The following GEMIN5 variants were observed in gnomAD, a reference collection of about 807,000 sequenced individuals.
GEMIN5 encodes gem nuclear organelle associated protein 5, also known as gem-associated protein 5.
GEMIN5 carries 124 observed loss-of-function variants against 176.9 expected under a neutral mutation model. The observed-to-expected ratio is 0.70, with a 90% CI of 0.61 to 0.81. GEMIN5 has a LOEUF of 0.81. GEMIN5 is among the 40% of genes least tolerant of loss of function. The probability of loss-of-function intolerance (pLI) is 0.00; values close to 1 mark genes in which losing one functional copy is unlikely to be tolerated. For synonymous variants in GEMIN5, 673 were observed against 665.2 expected (o/e 1.01, Z -0.18); for missense variants, 1,843 against 1,814.6 (o/e 1.02, Z -0.28).
chr5:154,914,528 T>C (rs74428468), intron 13 of GEMIN5, among the ~76,000 whole-genome samples: 1 of 107,182 alleles, frequency 9.3e-6, no homozygotes, highest in African/African-American at 3.5e-5. Context: ...TTTTTTTTTT[T>C]AAAGAGACTA....
At chr5:154,921,203 T>C (rs977611668) in intron 10 of GEMIN5, 140 bp downstream of exon 10, 4 of 586,072 alleles carry the variant, frequency 6.8e-6, no homozygotes, top group South Asian at 2.1e-5. Context: ...ACTGTCTTCA[T>C]GAACCCCTGG....
Position 154,899,298 on chromosome 5 carries a change from C to T in GEMIN5, c.3027G>A (p.Ala1009=), listed in dbSNP as rs200397120. The change falls in exon 22 of 28, where the codon GCG becomes GCA. Residue 1009 remains alanine, a synonymous_variant. Coordinates refer to ENST00000285873, the MANE Select transcript of GEMIN5 (RefSeq NM_015465.5). The part of the protein sequence containing the change: ...KSNHFYREAI[A]IAKARLRPED... ...CCGGGCGCAGCCGGGCCTTGGCAATCGCAATAGCTTCCCTAAAGGCAAGAA... is the reference window on the plus strand; with the variant it reads ...CCGGGCGCAGCCGGGCCTTGGCAATTGCAATAGCTTCCCTAAAGGCAAGAA... 6.8e-6 allele frequency: 11 copies of T among 1,610,916 alleles called. No individual in the cohort carries two copies. In the Admixed American group the frequency reaches 8.4e-5, roughly 12 times the overall value.
At chr5:154,913,604 G>T (rs1763750820) in intron 13 of GEMIN5, among the ~76,000 whole-genome samples, 1 of 152,012 alleles carries the variant, frequency 6.6e-6, no homozygotes, top group South Asian at 2.1e-4. Flanking sequence ...TGGGCAAATT[G>T]CTTGAGTTCA....
intron 13 of GEMIN5, among the ~76,000 whole-genome samples, chr5:154,915,889 C>T (rs888672940): frequency 6.0e-5 from 9 of 149,744 alleles, no homozygotes; most frequent in East Asian, 3.9e-4. Context: ...ATTTTCTATA[C>T]AAAAATTATT....
intron 15 of GEMIN5, 38 bp from the exon 16 acceptor site, chr5:154,907,856 A>T: frequency 6.7e-7 from 1 of 1,494,154 alleles, no homozygotes; most frequent in South Asian, 1.2e-5. Context: ...TAAAGTATAC[A>T]TTCTTGGTTA....
chr5:154,935,404 C>T (rs550756666), intron 3 of GEMIN5, among the ~76,000 whole-genome samples: 2 of 152,326 alleles, frequency 1.3e-5, no homozygotes, highest in Admixed American at 6.5e-5. Flanking sequence ...TATATTCAGG[C>T]AGCTCATGTG....
chr5:154,890,985 A>C (rs1763211811), intron 26 of GEMIN5, among the ~76,000 whole-genome samples: 1 of 149,332 alleles, frequency 6.7e-6, no homozygotes, highest in Non-Finnish European at 1.5e-5. Flanking sequence ...CAAACTCCTT[A>C]CTTCAAGTGA....
intron 15 of GEMIN5, 29 bp from the exon 16 acceptor site, chr5:154,907,847 A>G (rs758027676): frequency 6.4e-5 from 98 of 1,528,284 alleles, no homozygotes; most frequent in Non-Finnish European, 8.2e-5. Context: ...AGGACTGACT[A>G]AAGTATACAT....
Position 154,904,704 on chromosome 5 carries a change from A to C in GEMIN5, c.2510-75T>G, listed in dbSNP as rs1763534970. ...ATAAAACGGAATGCCTATTGTGTGA[A>C]TGTAACCTACTGGCAGGACGACACC... is the stretch of plus-strand genomic sequence containing the variant. On this transcript the variant is annotated intron_variant, in intron 17 of 27. Coordinates refer to ENST00000285873, the MANE Select transcript of GEMIN5 (RefSeq NM_015465.5). The C allele has an allele frequency of 7.9e-6, 9 of 1,145,468 alleles. No individual in the cohort carries two copies. The South Asian group carries it at 1.0e-4, about 13-fold the overall frequency. 71.0% of individuals were successfully genotyped at this position (1,145,468 alleles called of 1,614,324 possible).
Position 154,896,358 on chromosome 5 carries a change from C to T in GEMIN5, c.3346-15G>A. 1 of 1,550,346 alleles carries T rather than the reference C, an allele frequency of 6.5e-7. No homozygotes were observed. ...AATCTCTGACCCTGGAACACGACAA[C>T]AAGGAAGAGGAACTGTTATACAGGG... is the stretch of plus-strand genomic sequence containing the variant. On this transcript the variant is annotated splice_polypyrimidine_tract_variant and intron_variant, in intron 23 of 27. Coordinates refer to ENST00000285873, the MANE Select transcript of GEMIN5 (RefSeq NM_015465.5).
chr5:154,889,930 C>CA (rs1763189426), intron 26 of GEMIN5, among the ~76,000 whole-genome samples: 1 of 152,220 alleles, frequency 6.6e-6, no homozygotes, highest in African/African-American at 2.4e-5. Flanking sequence ...GCCATGAACA[C>CA]AGGTGTGCAC....
At chr5:154,903,787 C>A (rs552518611) in intron 18 of GEMIN5, among the ~76,000 whole-genome samples, 1 of 151,088 alleles carries the variant, frequency 6.6e-6, no homozygotes, top group Non-Finnish European at 1.5e-5. Flanking sequence ...GGAGGAGAAA[C>A]AGAGGACTGG....
At chr5:154,893,196 T>C (rs577787271) in intron 24 of GEMIN5, among the ~76,000 whole-genome samples, 1 of 137,322 alleles carries the variant, frequency 7.3e-6, no homozygotes, top group Non-Finnish European at 1.5e-5. Context: ...CTCACACCTA[T>C]AACCCCATCA....
chr5:154,926,729 T>C (rs2113505029), intron 7 of GEMIN5, among the ~76,000 whole-genome samples: 1 of 152,278 alleles, frequency 6.6e-6, no homozygotes, highest in South Asian at 2.1e-4. Context: ...GGAAGCAGAA[T>C]TGTCTTGGGC....
rs771509296 is a variant in GEMIN5, at chr5:154,920,073, AAAGC to A, written c.1489_1492del (p.Ala497TyrfsTer45). ...AATCCCTTCTCCTCCACAGCTGTAT[AAAGC>A]AAGGGAAGGTCTGTCTCCTTCTCCT... On this transcript the variant is annotated frameshift_variant, in exon 11 of 28. Coordinates refer to ENST00000285873, the MANE Select transcript of GEMIN5 (RefSeq NM_015465.5). LOFTEE classifies it high-confidence loss of function. The A allele has an allele frequency of 6.2e-7, 1 of 1,613,172 alleles. No homozygotes were observed. The highest frequency in any genetic ancestry group is 8.5e-7 in the Non-Finnish European group (1 of 1,179,332).
intron 2 of GEMIN5, 94 bp downstream of exon 2, chr5:154,936,931 T>A: frequency 1.1e-6 from 1 of 921,746 alleles, no homozygotes; most frequent in Admixed American, 2.4e-5. Flanking sequence ...TACAAGTTAC[T>A]TTGCACAGAT....
Position 154,925,943 on chromosome 5 carries a change from G to A in GEMIN5, c.1212C>T (p.Ile404=), listed in dbSNP as rs267600505. Residue 404 remains isoleucine, a synonymous_variant, in exon 8 of 28, where the codon ATC becomes ATT. Coordinates refer to ENST00000285873, the MANE Select transcript of GEMIN5 (RefSeq NM_015465.5). The part of the protein sequence containing the change: ...SLAIGVGDGM[I]RVWNTLSIKN... Reference sequence around the variant, plus strand: ...TTATGGAGAGTGTATTCCATACACGGATCATGCCATCCCCAACACCTATGG... The same window carrying A: ...TTATGGAGAGTGTATTCCATACACGAATCATGCCATCCCCAACACCTATGG... The A allele has an allele frequency of 1.9e-6, 3 of 1,613,400 alleles. No homozygotes were observed. Among genetic ancestry groups the A allele is most frequent in the South Asian group, 1.1e-5 (1 of 91,060 alleles).
At chr5:154,932,869 C>G (rs572600180) in intron 3 of GEMIN5, among the ~76,000 whole-genome samples, 1 of 152,108 alleles carries the variant, frequency 6.6e-6, no homozygotes, top group Admixed American at 6.5e-5. Flanking sequence ...CCGGCCAACT[C>G]TTCTAACTAG....
chr5:154,907,582 GC>G lies in GEMIN5; in HGVS notation c.2395+8del, dbSNP rs1763593694. The G allele has an allele frequency of 3.7e-6, 6 of 1,604,260 alleles. No individual in the cohort carries two copies. Among genetic ancestry groups the G allele is most frequent in the Non-Finnish European group, 5.1e-6 (6 of 1,171,176 alleles). On this transcript the variant is annotated splice_region_variant and intron_variant, in intron 16 of 27. Transcript: ENST00000285873. ...AAATCCTAGTGATACACAGGATTCT[GC>G]CACATACCCGCTGGAGCAAGGCCAC...
Sources: allele counts gnomAD v4.1 joint callset (sites outside exome capture counted in the v4.1 genomes callset), GRCh38; gene constraint gnomAD v4.1.1; transcripts MANE v1.5; gene names NCBI Gene and HGNC (gene_info 2026-07-23, HGNC 2026-07-21).